The following RABGAP1 variants were observed in gnomAD, a reference collection of about 807,000 sequenced individuals.
RABGAP1 encodes RAB GTPase activating protein 1, also known as rab GTPase-activating protein 1.
RABGAP1 carries 23 observed loss-of-function variants against 137.6 expected under a neutral mutation model. The ratio of observed to expected loss-of-function variants is 0.17; its 90% CI spans 0.12 to 0.24. The LOEUF (loss-of-function observed/expected upper bound fraction) is 0.24, where lower values mean the gene tolerates loss of function less well. Ranked by LOEUF, RABGAP1 falls within the 10% of genes least tolerant of loss-of-function variation. RABGAP1 has a pLI of 1.00. For missense variants in RABGAP1, 906 were observed against 1,275.8 expected, an observed-to-expected ratio of 0.71 and a Z score of 4.42; for synonymous variants, 451 against 450.7, an observed-to-expected ratio of 1.00 and a Z score of -0.01.
intron 6 of RABGAP1, among the ~76,000 whole-genome samples, chr9:122,993,820 C>T (rs764080186): frequency 9.9e-5 from 15 of 152,124 alleles, no homozygotes; most frequent in Middle Eastern, 3.4e-3. Flanking sequence ...TGTGCTGCCA[C>T]GCCCGGCTAA....
At chr9:123,096,452 C>A (rs1272911921) in intron 21 of RABGAP1, among the ~76,000 whole-genome samples, 2 of 152,196 alleles carry the variant, frequency 1.3e-5, no homozygotes, top group Non-Finnish European at 2.9e-5. Flanking sequence ...TTACCAAGGA[C>A]AAAGAGGGAC....
chr9:122,934,020 C>G, the RABGAP1 span, among the ~76,000 whole-genome samples: 1 of 151,982 alleles, frequency 6.6e-6, no homozygotes. Context: ...TTTGGTCTCC[C>G]AAAGTACTGC....
chr9:122,944,747 T>A (rs915745505), intron 1 of RABGAP1, among the ~76,000 whole-genome samples: 5 of 151,892 alleles, frequency 3.3e-5, no homozygotes, highest in Admixed American at 2.0e-4. Flanking sequence ...ATTTTTTTTT[T>A]TTTATTTTTA....
At chr9:123,100,665 C>G (rs146969565) in intron 24 of RABGAP1, among the ~76,000 whole-genome samples, 1 of 152,168 alleles carries the variant, frequency 6.6e-6, no homozygotes, top group East Asian at 1.9e-4. Flanking sequence ...GTGATCCACC[C>G]GCCTTGGCCT....
chr9:123,024,798 A>G (rs1014737225), intron 13 of RABGAP1, among the ~76,000 whole-genome samples: 2 of 152,128 alleles, frequency 1.3e-5, no homozygotes, highest in East Asian at 3.9e-4. Flanking sequence ...TTGCTCTTCT[A>G]TTTATGTTCT....
At chr9:123,031,180 A>G (rs1280970797) in intron 13 of RABGAP1, among the ~76,000 whole-genome samples, 1 of 152,172 alleles carries the variant, frequency 6.6e-6, no homozygotes, top group Admixed American at 6.5e-5. Context: ...AACCACAGAG[A>G]GAATAAGTTT....
chr9:123,099,384 T>G (rs1216835920), intron 23 of RABGAP1, 94 bp from the exon 24 acceptor site: 3 of 1,200,362 alleles, frequency 2.5e-6, no homozygotes, highest in African/African-American at 1.5e-5. Context: ...GCTACTATGT[T>G]AATTCCAATT....
In RABGAP1 at chr9:123,096,126, TGTC is replaced by T. The variant is rs547702509; in HGVS notation, c.2629-1613_2629-1611del. Among the ~76,000 whole-genome samples, 3 of 152,368 alleles carry T rather than the reference TGTC, an allele frequency of 2.0e-5. No homozygotes were observed. The South Asian group carries it at 6.2e-4, about 32-fold the overall frequency. On this transcript the variant is annotated intron_variant, in intron 21 of 25. Transcript: ENST00000373647. ...ACAACTTGATTTTCTCTGCTTGTTC[TGTC>T]GCTTCCTGAGAGAGCACAGTAGAAG...
chr9:122,963,124 G>T (rs1041971035), intron 2 of RABGAP1, among the ~76,000 whole-genome samples: 2 of 152,142 alleles, frequency 1.3e-5, no homozygotes, highest in African/African-American at 2.4e-5. Context: ...AAGAATAATT[G>T]TTAGCCGGGC....
chr9:123,053,266 C>T (rs1486656765), intron 13 of RABGAP1, among the ~76,000 whole-genome samples: 2 of 152,152 alleles, frequency 1.3e-5, no homozygotes, highest in Non-Finnish European at 2.9e-5. Context: ...TGGTTTTACC[C>T]AGACATAAGA....
intron 13 of RABGAP1, among the ~76,000 whole-genome samples, chr9:123,041,837 A>AT (rs1207031988): frequency 2.6e-4 from 39 of 152,312 alleles, no homozygotes; most frequent in Middle Eastern, 3.4e-3. Context: ...ATAGAGACTA[A>AT]AAAACAAGAA....
chr9:122,967,729 T>TC (rs869155093), intron 2 of RABGAP1, among the ~76,000 whole-genome samples: 1 of 52 alleles, frequency 0.019, no homozygotes, highest in Non-Finnish European at 0.038. Flanking sequence ...CTCATATGTC[T>TC]TTTTTTCCTG....
chr9:122,998,040 C>T (rs1837125571), intron 9 of RABGAP1, among the ~76,000 whole-genome samples: 1 of 152,012 alleles, frequency 6.6e-6, no homozygotes, highest in Non-Finnish European at 1.5e-5. Context: ...TCATATGCCA[C>T]TTGTGCAGAA....
chr9:122,980,389 C>G (rs1835982518), intron 2 of RABGAP1, among the ~76,000 whole-genome samples: 1 of 152,186 alleles, frequency 6.6e-6, no homozygotes, highest in Non-Finnish European at 1.5e-5. Context: ...GGACTACAGG[C>G]ACAGGCCACT....
chr9:123,057,346 G>A (rs1225993728), intron 13 of RABGAP1, among the ~76,000 whole-genome samples: 23 of 150,842 alleles, frequency 1.5e-4, no homozygotes, highest in East Asian at 4.0e-4. Context: ...CGGGGCGGCC[G>A]GGCAGAGACG....
chr9:122,956,478 G>T (rs765318360), intron 1 of RABGAP1, among the ~76,000 whole-genome samples: 1 of 152,004 alleles, frequency 6.6e-6, no homozygotes, highest in Non-Finnish European at 1.5e-5. Context: ...GTGAAACCCC[G>T]TCTCTACGAA....
At chr9:123,076,172 G>A in intron 17 of RABGAP1, 73 bp from the exon 18 acceptor site, 1 of 1,414,468 alleles carries the variant, frequency 7.1e-7, no homozygotes, top group Non-Finnish European at 9.7e-7. Flanking sequence ...TAAAAATGTG[G>A]GGTATAAGGA....
chr9:122,948,304 T>C (rs1198301429), intron 1 of RABGAP1, among the ~76,000 whole-genome samples: 1 of 151,990 alleles, frequency 6.6e-6, no homozygotes, highest in African/African-American at 2.4e-5. Flanking sequence ...TGGATTGGAA[T>C]TGGGAGAGGA....
At chr9:123,089,169 T>C (rs1259317731) in intron 19 of RABGAP1, among the ~76,000 whole-genome samples, 2 of 152,062 alleles carry the variant, frequency 1.3e-5, no homozygotes, top group Non-Finnish European at 1.5e-5. Context: ...AACTGTCTGT[T>C]TGAAAGCAGC....
Sources: allele counts gnomAD v4.1 joint callset (sites outside exome capture counted in the v4.1 genomes callset), GRCh38; gene constraint gnomAD v4.1.1; transcripts MANE v1.5; gene names NCBI Gene and HGNC (gene_info 2026-07-23, HGNC 2026-07-21).